The following MCC variants were observed in gnomAD, a reference collection of about 807,000 sequenced individuals.
The protein encoded by MCC is colorectal mutant cancer protein.
MCC carries 90 observed loss-of-function variants against 116.2 expected under a neutral mutation model. The observed-to-expected ratio is 0.77, with a 90% CI of 0.65 to 0.92. The LOEUF (loss-of-function observed/expected upper bound fraction) is 0.92. Among genes scored for constraint, MCC ranks in the 40% least tolerant of loss-of-function variants. The probability of loss-of-function intolerance (pLI) is 0.00; values close to 1 mark genes in which losing one functional copy is unlikely to be tolerated. For synonymous variants in MCC, 578 were observed against 510.5 expected, an observed-to-expected ratio of 1.13 and a Z score of -1.78; for missense variants, 1,516 against 1,312.2, an observed-to-expected ratio of 1.16 and a Z score of -2.40.
chr5:113,312,516 G>T (rs1166066378), intron 3 of MCC, among the ~76,000 whole-genome samples: 1 of 152,168 alleles, frequency 6.6e-6, no homozygotes, highest in African/African-American at 2.4e-5. Flanking sequence ...TAGGGAAGGA[G>T]TACAGATGCT....
chr5:113,057,646 G>C (rs964741891), intron 14 of MCC, among the ~76,000 whole-genome samples: 2 of 152,210 alleles, frequency 1.3e-5, no homozygotes, highest in African/African-American at 4.8e-5. Context: ...CTGTGCATCA[G>C]AGGACGCATC....
chr5:113,456,771 A>G (rs1031558983), intron 1 of MCC, among the ~76,000 whole-genome samples: 33 of 146,918 alleles, frequency 2.2e-4, no homozygotes, highest in Non-Finnish European at 4.4e-4. Context: ...GCGCCCGGCC[A>G]ATGAGCACTA....
At chr5:113,175,934 T>C (rs898262329) in intron 3 of MCC, among the ~76,000 whole-genome samples, 1 of 152,130 alleles carries the variant, frequency 6.6e-6, no homozygotes, top group Non-Finnish European at 1.5e-5. Flanking sequence ...AAATATTCCC[T>C]TCTTTTCTGC....
Position 113,447,258 on chromosome 5 carries a change from G to T in MCC, c.170+40987C>A, listed in dbSNP as rs537793709. Reference sequence around the variant, plus strand: ...AAATGTAAGTCCTGCATGAGACAAAGAAAACACCTTTCTTTGGGTAGGAAG... The same window carrying T: ...AAATGTAAGTCCTGCATGAGACAAATAAAACACCTTTCTTTGGGTAGGAAG... On this transcript the variant is annotated intron_variant, in intron 1 of 18. Coordinates refer to ENST00000408903, the MANE Select transcript of MCC (RefSeq NM_001085377.2). Among the ~76,000 whole-genome samples the T allele has an allele frequency of 1.0e-3, 152 of 152,274 alleles. 1 individual carries two copies. The highest frequency in any genetic ancestry group is 1.7e-3 in the Non-Finnish European group (118 of 68,002).
chr5:113,487,362 T>C (rs918450557), intron 1 of MCC, among the ~76,000 whole-genome samples: 1 of 152,230 alleles, frequency 6.6e-6, no homozygotes, highest in African/African-American at 2.4e-5. Context: ...AAGTCTTCAA[T>C]GGCCGGTGTC....
chr5:113,475,320 A>C (rs1347569629), intron 1 of MCC, among the ~76,000 whole-genome samples: 2 of 152,228 alleles, frequency 1.3e-5, no homozygotes. Flanking sequence ...TTCAACTGAG[A>C]GTTACATCAG....
chr5:113,293,891 A>G (rs1477606565), intron 3 of MCC, among the ~76,000 whole-genome samples: 1 of 152,170 alleles, frequency 6.6e-6, no homozygotes, highest in Non-Finnish European at 1.5e-5. Flanking sequence ...CAAGTGGGAG[A>G]TGAAATAATC....
At chr5:113,059,530 A>T (rs1753069809) in intron 14 of MCC, among the ~76,000 whole-genome samples, 1 of 152,122 alleles carries the variant, frequency 6.6e-6, no homozygotes, top group Admixed American at 6.5e-5. Flanking sequence ...GTCAAGGGGG[A>T]ATCAATCACT....
chr5:113,291,381 C>G (rs1468715910), intron 3 of MCC, among the ~76,000 whole-genome samples: 1 of 152,190 alleles, frequency 6.6e-6, no homozygotes, highest in African/African-American at 2.4e-5. Flanking sequence ...ATTGATTAAA[C>G]TCACTCTCTA....
At chr5:113,157,141 C>T (rs1760215128) in intron 3 of MCC, among the ~76,000 whole-genome samples, 1 of 152,170 alleles carries the variant, frequency 6.6e-6, no homozygotes, top group Non-Finnish European at 1.5e-5. Context: ...AGTGTCACTG[C>T]GTATTTCTGG....
At chr5:113,097,858 T>C (rs1164096158) in intron 8 of MCC, among the ~76,000 whole-genome samples, 1 of 152,202 alleles carries the variant, frequency 6.6e-6, no homozygotes, top group Non-Finnish European at 1.5e-5. Flanking sequence ...ATAGCATGTC[T>C]ACTTGTCTCT....
chr5:113,100,581 C>T (rs1441784444), intron 8 of MCC, among the ~76,000 whole-genome samples: 1 of 144,116 alleles, frequency 6.9e-6, no homozygotes, highest in African/African-American at 2.6e-5. Flanking sequence ...AAGCGATTCT[C>T]CTGCCTCAGC....
intron 3 of MCC, among the ~76,000 whole-genome samples, chr5:113,258,354 A>T (rs1273178985): frequency 6.6e-6 from 1 of 152,216 alleles, no homozygotes; most frequent in Non-Finnish European, 1.5e-5. Context: ...GGGGTCCCCA[A>T]CCCCTGGTCT....
At chr5:113,248,624 C>T (rs552327102) in intron 3 of MCC, among the ~76,000 whole-genome samples, 1 of 152,162 alleles carries the variant, frequency 6.6e-6, no homozygotes, top group African/African-American at 2.4e-5. Context: ...CCCCGGTTGA[C>T]CCTCTAAATG....
chr5:113,456,054 G>A (rs1352114689), intron 1 of MCC, among the ~76,000 whole-genome samples: 1 of 152,166 alleles, frequency 6.6e-6, no homozygotes, highest in African/African-American at 2.4e-5. Context: ...CAATATATGT[G>A]ACACATATGT....
At chr5:113,296,517 GAAGT>G (rs1766716253) in intron 3 of MCC, among the ~76,000 whole-genome samples, 1 of 152,184 alleles carries the variant, frequency 6.6e-6, no homozygotes, top group Non-Finnish European at 1.5e-5. Flanking sequence ...GCAGAGATGG[GAAGT>G]AAGGGGAAAG....
At chr5:113,190,013 A>G (rs548206436) in intron 3 of MCC, among the ~76,000 whole-genome samples, 2 of 152,312 alleles carry the variant, frequency 1.3e-5, no homozygotes, top group South Asian at 2.1e-4. Flanking sequence ...CGCCTGAAGT[A>G]CCCAGCCTCA....
intron 6 of MCC, among the ~76,000 whole-genome samples, chr5:113,118,167 G>A (rs981595504): frequency 2.6e-5 from 4 of 152,200 alleles, no homozygotes; most frequent in African/African-American, 9.7e-5. Context: ...CATGAGGGAT[G>A]CATGTAAATG....
At chr5:113,442,401 C>T (rs1045220214) in intron 1 of MCC, among the ~76,000 whole-genome samples, 3 of 152,086 alleles carry the variant, frequency 2.0e-5, no homozygotes, top group Non-Finnish European at 2.9e-5. Flanking sequence ...GATATTAGCC[C>T]TTTGTCAGAT....
Sources: gnomAD v4.1 joint callset for allele counts (sites outside exome capture counted in the v4.1 genomes callset) on GRCh38, gnomAD v4.1.1 for gene constraint, MANE v1.5 for transcripts, NCBI Gene and HGNC (gene_info 2026-07-23, HGNC 2026-07-21) for gene names.